The following CTDSPL2 variants were observed in gnomAD, a reference collection of about 807,000 sequenced individuals.
The protein encoded by CTDSPL2 is CTD small phosphatase like 2, also known as CTD small phosphatase-like protein 2.
In CTDSPL2, 5 loss-of-function variants were observed where a neutral mutation model predicts 60.0. The ratio of observed to expected loss-of-function variants is 0.08; its 90% CI spans 0.04 to 0.18. The LOEUF (loss-of-function observed/expected upper bound fraction) is 0.18. Ranked by LOEUF, CTDSPL2 falls within the 10% of genes least tolerant of loss-of-function variation. CTDSPL2 has a pLI of 1.00. For synonymous variants in CTDSPL2, 186 were observed against 189.3 expected (o/e 0.98, Z 0.14); for missense variants, 370 against 548.8 (o/e 0.67, Z 3.26).
Position 44,519,235 on chromosome 15 carries a change from T to G in CTDSPL2, c.1179T>G (p.Leu393=). The change falls in exon 11 of 13, where the codon CTT becomes CTG. Residue 393 remains leucine, a synonymous_variant. Coordinates refer to ENST00000260327, the MANE Select transcript of CTDSPL2 (RefSeq NM_016396.3). ...ACTATATAAAGGACTTAAATATTCT[T>G]GGAAGAGATCTTTCAAAAACTATAA... ...QGNYIKDLNI[L]GRDLSKTIII... 1 of 1,572,580 alleles carries G rather than the reference T, an allele frequency of 6.4e-7. No individual in the cohort carries two copies. Among genetic ancestry groups the G allele is most frequent in the South Asian group, 1.3e-5 (1 of 79,880 alleles).
rs546064477 is a variant in CTDSPL2 at position 44,487,211 on chromosome 15, C to T, written c.475+511C>T. Among the ~76,000 whole-genome samples, 9 of 152,226 alleles carry T rather than the reference C, an allele frequency of 5.9e-5. No individual in the cohort carries two copies. The South Asian group carries it at 8.3e-4, about 14-fold the overall frequency. ...GCTGATGCCGGTAATCTGAACTCTT[C>T]GGGAAGCCAAGACAGGAGAATTGCT... On this transcript the variant is annotated intron_variant, in intron 4 of 12. Coordinates refer to ENST00000260327, the MANE Select transcript of CTDSPL2 (RefSeq NM_016396.3).
intron 3 of CTDSPL2, among the ~76,000 whole-genome samples, chr15:44,485,961 T>C (rs1442897224): frequency 6.6e-6 from 1 of 152,172 alleles, no homozygotes; most frequent in Non-Finnish European, 1.5e-5. Context: ...GATTTTACTT[T>C]TATATTCTTA....
At chr15:44,485,035 C>T (rs928964415) in intron 3 of CTDSPL2, among the ~76,000 whole-genome samples, 2 of 152,198 alleles carry the variant, frequency 1.3e-5, no homozygotes, top group African/African-American at 4.8e-5. Flanking sequence ...AGGGGACTTG[C>T]ATCACTTAGT....
chr15:44,460,753 C>T (rs2080549812), intron 2 of CTDSPL2, among the ~76,000 whole-genome samples: 1 of 151,850 alleles, frequency 6.6e-6, no homozygotes. Flanking sequence ...TGTTAATTTT[C>T]AGTAATTAGA....
At chr15:44,472,643 A>G (rs373696046) in intron 2 of CTDSPL2, among the ~76,000 whole-genome samples, 19 of 151,592 alleles carry the variant, frequency 1.3e-4, no homozygotes, top group African/African-American at 4.1e-4. Context: ...GACTACAGGC[A>G]TGTGCCACTA....
intron 2 of CTDSPL2, among the ~76,000 whole-genome samples, chr15:44,475,185 T>TAA: frequency 6.6e-6 from 1 of 152,182 alleles, no homozygotes; most frequent in South Asian, 2.1e-4. Context: ...TGTTTGCAGA[T>TAA]AAATCTTTCA....
chr15:44,484,444 C>G (rs1411219619), intron 3 of CTDSPL2, 82 bp downstream of exon 3: 1 of 1,370,188 alleles, frequency 7.3e-7, no homozygotes, highest in Non-Finnish European at 1.0e-6. Flanking sequence ...TTTTAAAACT[C>G]TACTTTGAGG....
chr15:44,454,479 T>G (rs1279608126), intron 1 of CTDSPL2, among the ~76,000 whole-genome samples: 1 of 152,206 alleles, frequency 6.6e-6, no homozygotes, highest in African/African-American at 2.4e-5. Flanking sequence ...GCTTTTGGTG[T>G]TTTAGACATG....
At chr15:44,461,597 T>TA (rs3866954) in intron 2 of CTDSPL2, among the ~76,000 whole-genome samples, 15 of 141,402 alleles carry the variant, frequency 1.1e-4, no homozygotes, top group African/African-American at 3.5e-4. Context: ...TTTTTTTTTT[T>TA]AAAGAGATGA....
chr15:44,431,910 GA>G (rs1372910621), intron 1 of CTDSPL2, among the ~76,000 whole-genome samples: 1 of 151,530 alleles, frequency 6.6e-6, no homozygotes, highest in Non-Finnish European at 1.5e-5. Context: ...CTTTAGTAGA[GA>G]TGAGGTTTCA....
chr15:44,483,877 T>G (rs3816928), intron 2 of CTDSPL2, among the ~76,000 whole-genome samples: 7,826 of 152,246 alleles, frequency 0.051, 360 homozygotes, highest in East Asian at 0.23. Context: ...TTAAGGAAAT[T>G]ATCTCTGTTC....
intron 11 of CTDSPL2, 103 bp from the exon 12 acceptor site, chr15:44,521,208 T>C (rs2081761043): frequency 3.6e-6 from 2 of 553,570 alleles, no homozygotes; most frequent in Middle Eastern, 4.9e-4. Flanking sequence ...AAGGAACTTT[T>C]AGATCAGTGT....
chr15:44,496,674 A>T (rs1005049597), intron 6 of CTDSPL2, among the ~76,000 whole-genome samples: 1 of 152,176 alleles, frequency 6.6e-6, no homozygotes, highest in Non-Finnish European at 1.5e-5. Context: ...CAACCTGGGC[A>T]ACGTGGCAAA....
At chr15:44,478,284 A>G (rs762805334) in intron 2 of CTDSPL2, among the ~76,000 whole-genome samples, 8 of 151,534 alleles carry the variant, frequency 5.3e-5, no homozygotes, top group African/African-American at 7.3e-5. Context: ...CGTCTCTACT[A>G]AAAAAGAAAA....
intron 1 of CTDSPL2, 85 bp downstream of exon 1, chr15:44,427,857 C>G: frequency 2.5e-6 from 1 of 395,176 alleles, no homozygotes; most frequent in Non-Finnish European, 4.5e-6. Flanking sequence ...ATCTCCTCCC[C>G]TTCTAAACCT....
chr15:44,463,330 C>T (rs1262797485), intron 2 of CTDSPL2, among the ~76,000 whole-genome samples: 3 of 150,548 alleles, frequency 2.0e-5, no homozygotes, highest in South Asian at 4.2e-4. Context: ...TTAGTAGAGA[C>T]GGGGTTTTGC....
At chr15:44,475,237 T>C (rs201068832) in intron 2 of CTDSPL2, among the ~76,000 whole-genome samples, 1 of 152,154 alleles carries the variant, frequency 6.6e-6, no homozygotes, top group East Asian at 1.9e-4. Flanking sequence ...GAGGGCATGC[T>C]TCTTTTACTG....
intron 2 of CTDSPL2, among the ~76,000 whole-genome samples, chr15:44,470,225 A>AC (rs34732486): frequency 0.092 from 13,976 of 151,474 alleles, 1,318 homozygotes; most frequent in East Asian, 0.23. Flanking sequence ...TGTCTACTTC[A>AC]TTATCTGTCA....
chr15:44,527,818 G>A lies in CTDSPL2; in HGVS notation c.*3644G>A, dbSNP rs1181098743. On this transcript the variant is annotated 3_prime_UTR_variant, in exon 13 of 13. Coordinates refer to ENST00000260327, the MANE Select transcript of CTDSPL2 (RefSeq NM_016396.3). ...AATGTATGGGCCAAAAGGCCTTAGG[G>A]TTGTCATTCATTGACTTTCTTATTC... 1 of 152,124 alleles carries A rather than the reference G, an allele frequency of 6.6e-6. No individual in the cohort carries two copies. Among genetic ancestry groups the A allele is most frequent in the East Asian group, 1.9e-4 (1 of 5,194 alleles). The allele number at this position is 152,124 out of a possible 1,614,324, so 9.4% of individuals were successfully genotyped here.
Sources: allele counts gnomAD v4.1 joint callset (sites outside exome capture counted in the v4.1 genomes callset), GRCh38; gene constraint gnomAD v4.1.1; transcripts MANE v1.5; gene names NCBI Gene and HGNC (gene_info 2026-07-23, HGNC 2026-07-21).